Variants in THOC1 observed in about 807,000 individuals in gnomAD.
THOC1 encodes THO complex 1.
A neutral mutation model predicts 97.3 loss-of-function variants in THOC1; 29 were observed. The observed-to-expected ratio is 0.30, with a 90% CI of 0.22 to 0.41. THOC1 has a LOEUF of 0.41. Among genes scored for constraint, THOC1 ranks in the 10% least tolerant of loss-of-function variants. The pLI is 1.00. For missense variants in THOC1, 529 were observed against 761.9 expected (o/e 0.69, Z 3.60); for synonymous variants, 255 against 257.0 (o/e 0.99, Z 0.07).
At chr18:225,532 A>G in intron 12 of THOC1, 129 bp from the exon 13 acceptor site, 4 of 709,774 alleles carry the variant, frequency 5.6e-6, no homozygotes, top group Non-Finnish European at 9.4e-6. Flanking sequence ...CAAGACAAGA[A>G]TAATCACAAA....
In THOC1 at chr18:214,931, G is replaced by A. The variant is rs1172106834; in HGVS notation, c.1679-10C>T. The stretch of plus-strand genomic sequence containing the variant: ...CGCCGAACATCAGGACCTAGAAAAT[G>A]AAGAGAATATAAATTATGCGCAATT... On this transcript the variant is annotated splice_polypyrimidine_tract_variant and intron_variant, in intron 20 of 20. Coordinates refer to ENST00000261600, the MANE Select transcript of THOC1 (RefSeq NM_005131.3). The A allele has an allele frequency of 6.2e-7, 1 of 1,612,464 alleles. No homozygotes were observed. The highest frequency in any genetic ancestry group is 1.7e-5 in the Admixed American group (1 of 59,840).
At chr18:223,957 G>T in intron 16 of THOC1, 127 bp downstream of exon 16, 1 of 716,524 alleles carries the variant, frequency 1.4e-6, no homozygotes, top group Non-Finnish European at 2.4e-6. Flanking sequence ...AGTGCGGTTT[G>T]CTTTGGCTAT....
intron 10 of THOC1, 119 bp from the exon 11 acceptor site, chr18:246,574 C>G: frequency 1.4e-6 from 1 of 737,458 alleles, no homozygotes; most frequent in South Asian, 2.1e-5. Flanking sequence ...CTGTATATTG[C>G]AAGGCACACT....
In THOC1 at chr18:225,239, A is replaced by G. The variant is rs1911240581; in HGVS notation, c.1086+98T>C. The G allele has an allele frequency of 2.6e-6, 4 of 1,537,578 alleles. No individual in the cohort carries two copies. In the African/African-American group the frequency reaches 5.5e-5, roughly 21 times the overall value. ...AGGAGTGTTTGTGGTCTTGTACCTG[A>G]GCTTAACTTTATCCTTATTTTCCTA... On this transcript the variant is annotated intron_variant, in intron 13 of 20. Transcript: ENST00000261600.
chr18:247,630 A>G (rs577654961), intron 10 of THOC1, among the ~76,000 whole-genome samples: 1 of 152,376 alleles, frequency 6.6e-6, no homozygotes, highest in Admixed American at 6.5e-5. Context: ...AAAAAAAGCA[A>G]GGCTGTAATG....
In THOC1 at chr18:247,836, A is replaced by G. The variant is rs1487843088; in HGVS notation, c.786+13T>C. The G allele has an allele frequency of 1.3e-6, 2 of 1,531,010 alleles. No individual in the cohort carries two copies. The highest frequency in any genetic ancestry group is 9.0e-7 in the Non-Finnish European group (1 of 1,109,038). 94.8% of individuals were successfully genotyped at this position (1,531,010 alleles called of 1,614,324 possible). On this transcript the variant is annotated intron_variant, in intron 10 of 20. Coordinates refer to ENST00000261600, the MANE Select transcript of THOC1 (RefSeq NM_005131.3). ...AATACTGGGCTTCTGATAGTCTGTCAATGGCAACTTACCTTGAGAAAAGTT... is the reference window on the plus strand; with the variant it reads ...AATACTGGGCTTCTGATAGTCTGTCGATGGCAACTTACCTTGAGAAAAGTT...
At chr18:226,987 AT>A (rs1335319885) in intron 11 of THOC1, 86 bp from the exon 12 acceptor site, 15 of 1,020,104 alleles carry the variant, frequency 1.5e-5, no homozygotes, top group Non-Finnish European at 2.2e-5. Context: ...TAATATAGAA[AT>A]GGAAGATTCC....
intron 11 of THOC1, among the ~76,000 whole-genome samples, chr18:236,845 A>C (rs1483786301): frequency 6.6e-6 from 1 of 152,084 alleles, no homozygotes; most frequent in Non-Finnish European, 1.5e-5. Flanking sequence ...ATTAACCTTG[A>C]GTTAGTTCAG....
chr18:251,747 C>T (rs1171677406), intron 9 of THOC1, among the ~76,000 whole-genome samples: 1 of 152,154 alleles, frequency 6.6e-6, no homozygotes. Context: ...GGTGGGTATA[C>T]ACACTGTGAG....
intron 20 of THOC1, 111 bp downstream of exon 20, chr18:215,318 A>G: frequency 1.3e-6 from 1 of 788,706 alleles, no homozygotes; most frequent in Non-Finnish European, 2.1e-6. Flanking sequence ...GAAACAGTTG[A>G]GATAAAATGG....
chr18:227,700 G>C (rs1464766754), intron 11 of THOC1, among the ~76,000 whole-genome samples: 1 of 152,132 alleles, frequency 6.6e-6, no homozygotes, highest in African/African-American at 2.4e-5. Flanking sequence ...CTGAAGGAAG[G>C]CTGAAGTCTG....
intron 15 of THOC1, among the ~76,000 whole-genome samples, chr18:224,520 G>A (rs145663144): frequency 2.0e-5 from 3 of 151,372 alleles, no homozygotes; most frequent in African/African-American, 2.4e-5. Flanking sequence ...CGGAGGCTGC[G>A]GTGAGCCAAG....
chr18:253,062 T>G (rs1313977658), intron 8 of THOC1, among the ~76,000 whole-genome samples: 1 of 152,204 alleles, frequency 6.6e-6, no homozygotes, highest in Non-Finnish European at 1.5e-5. Flanking sequence ...GAAGACTTAT[T>G]TTTCAAATAT....
At position 260,298 on chromosome 18, in the gene THOC1, C is replaced by G. The variant is rs1235117996; in HGVS notation, c.263G>C (p.Cys88Ser). The G allele has an allele frequency of 1.4e-5, 22 of 1,541,648 alleles. No individual in the cohort carries two copies. The highest frequency in any genetic ancestry group is 1.8e-5 in the Non-Finnish European group (21 of 1,147,460). The change falls in exon 5 of 21, where the codon TGT becomes TCT. Residue 88 changes from cysteine (C) to serine (S), a missense_variant. Coordinates refer to ENST00000261600, the MANE Select transcript of THOC1 (RefSeq NM_005131.3). ...CAATACAAAAGGTGTAGATGCGGTA[C>G]AAATACCTTCAAGTGGAGCACAAGC... ...LAIGGVTEGI[C>S]TASTPFVLLG...
intron 9 of THOC1, among the ~76,000 whole-genome samples, chr18:251,901 T>G (rs1340051691): frequency 6.6e-6 from 1 of 152,260 alleles, no homozygotes; most frequent in African/African-American, 2.4e-5. Flanking sequence ...AATGCATGTA[T>G]AGCTCACATT....
intron 9 of THOC1, among the ~76,000 whole-genome samples, chr18:249,104 C>T (rs1912192165): frequency 6.6e-6 from 1 of 152,110 alleles, no homozygotes; most frequent in Non-Finnish European, 1.5e-5. Context: ...GTATCTGAAG[C>T]ACGTGAAAAT....
intron 4 of THOC1, among the ~76,000 whole-genome samples, chr18:262,086 T>G (rs1910623739): frequency 6.6e-6 from 1 of 152,232 alleles, no homozygotes; most frequent in African/African-American, 2.4e-5. Flanking sequence ...TTCTGCATAC[T>G]CTTCCTCCTC....
At chr18:215,060 G>T in intron 20 of THOC1, 139 bp from the exon 21 acceptor site, 1 of 773,134 alleles carries the variant, frequency 1.3e-6, no homozygotes, top group African/African-American at 1.8e-5. Flanking sequence ...TATATTCTCC[G>T]TAAGTTGAAT....
chr18:223,952 G>T, intron 16 of THOC1, 132 bp downstream of exon 16: 1 of 686,112 alleles, frequency 1.5e-6, no homozygotes, highest in Non-Finnish European at 2.5e-6. Flanking sequence ...TAGACAGTGC[G>T]GTTTGCTTTG....
Sources: gnomAD v4.1 joint callset for allele counts (sites outside exome capture counted in the v4.1 genomes callset) on GRCh38, gnomAD v4.1.1 for gene constraint, MANE v1.5 for transcripts, NCBI Gene and HGNC (gene_info 2026-07-23, HGNC 2026-07-21) for gene names.